Variants in SYNJ1 observed in about 807,000 individuals in gnomAD.
SYNJ1 encodes synaptojanin 1, also known as polyphosphatidylinositol phosphatase SYNJ1.
In SYNJ1, 78 loss-of-function variants were observed where a neutral mutation model predicts 168.2. The observed-to-expected ratio is 0.46, with a 90% CI of 0.39 to 0.56. The LOEUF is 0.56. Among genes scored for constraint, SYNJ1 ranks in the 20% least tolerant of loss-of-function variants. The pLI, the probability that SYNJ1 is intolerant of heterozygous loss-of-function variation, is 0.00. For synonymous variants in SYNJ1, 539 were observed against 548.6 expected (o/e 0.98, Z 0.24); for missense variants, 1,303 against 1,597.6 (o/e 0.82, Z 3.14).
intron 32 of SYNJ1, 49 bp from the exon 33 acceptor site, chr21:32,631,850 T>A: frequency 6.8e-7 from 1 of 1,473,260 alleles, no homozygotes. Context: ...TTACTCTTAA[T>A]ACCCCCTATT....
chr21:32,695,677 T>A (rs1341144043), intron 4 of SYNJ1, among the ~76,000 whole-genome samples: 2 of 149,272 alleles, frequency 1.3e-5, no homozygotes, highest in Non-Finnish European at 3.0e-5. Flanking sequence ...ATTTATTTAT[T>A]TTTGAGATGG....
At chr21:32,639,587 C>A in intron 30 of SYNJ1, 84 bp downstream of exon 30, 1 of 1,039,750 alleles carries the variant, frequency 9.6e-7, no homozygotes, top group Non-Finnish European at 1.5e-6. Context: ...TTTTTACAGG[C>A]GGGTCTCACT....
chr21:32,650,411 G>A, intron 22 of SYNJ1, 65 bp from the exon 23 acceptor site: 1 of 1,449,858 alleles, frequency 6.9e-7, no homozygotes, highest in South Asian at 1.4e-5. Flanking sequence ...GGAATAAAGA[G>A]GCTGACTTCG....
At chr21:32,639,210 T>C in intron 30 of SYNJ1, 85 bp from the exon 31 acceptor site, 1 of 1,234,640 alleles carries the variant, frequency 8.1e-7, no homozygotes, top group Non-Finnish European at 1.1e-6. Flanking sequence ...TAGGAGAACA[T>C]TCTAGTTATT....
chr21:32,645,081 A>ACC, intron 25 of SYNJ1, 75 bp from the exon 26 acceptor site: 1 of 1,438,136 alleles, frequency 7.0e-7, no homozygotes, highest in Non-Finnish European at 9.5e-7. Flanking sequence ...AAAGATTGCT[A>ACC]TAGTATCCAT....
At chr21:32,661,485 T>C (rs971993203) in intron 18 of SYNJ1, among the ~76,000 whole-genome samples, 7 of 152,190 alleles carry the variant, frequency 4.6e-5, no homozygotes, top group African/African-American at 1.7e-4. Context: ...AAGTAACCCG[T>C]GTGCTTCTCC....
chr21:32,673,657 G>T, intron 13 of SYNJ1, 126 bp from the exon 14 acceptor site: 1 of 753,174 alleles, frequency 1.3e-6, no homozygotes, highest in Non-Finnish European at 1.9e-6. Flanking sequence ...ACAAGCAAAA[G>T]ATACAGGCAC....
At chr21:32,691,494 T>C (rs566477302) in intron 6 of SYNJ1, among the ~76,000 whole-genome samples, 2 of 152,216 alleles carry the variant, frequency 1.3e-5, no homozygotes, top group Non-Finnish European at 2.9e-5. Flanking sequence ...AATGTGAGAA[T>C]GGACTAATAA....
At chr21:32,642,943 A>G (rs2039906635) in intron 27 of SYNJ1, among the ~76,000 whole-genome samples, 1 of 152,208 alleles carries the variant, frequency 6.6e-6, no homozygotes, top group South Asian at 2.1e-4. Context: ...TTTTAAACAA[A>G]TCTGGCTCAG....
intron 6 of SYNJ1, among the ~76,000 whole-genome samples, chr21:32,693,856 G>C (rs1312443406): frequency 6.6e-6 from 1 of 152,114 alleles, no homozygotes; most frequent in Admixed American, 6.5e-5. Flanking sequence ...CAATTAAGAA[G>C]TCTGGTTCCC....
At chr21:32,648,101 C>G (rs1601275633) in intron 23 of SYNJ1, among the ~76,000 whole-genome samples, 1 of 152,194 alleles carries the variant, frequency 6.6e-6, no homozygotes, top group East Asian at 1.9e-4. Context: ...ACAAATGGGC[C>G]CCACCCAGCC....
At chr21:32,682,829 C>T (rs140692184) in intron 10 of SYNJ1, among the ~76,000 whole-genome samples, 1 of 152,098 alleles carries the variant, frequency 6.6e-6, no homozygotes, top group African/African-American at 2.4e-5. Context: ...AATCCATGTA[C>T]ATTTATTCAG....
At chr21:32,661,718 A>G (rs1243632721) in intron 18 of SYNJ1, among the ~76,000 whole-genome samples, 1 of 152,186 alleles carries the variant, frequency 6.6e-6, no homozygotes, top group African/African-American at 2.4e-5. Context: ...AAATGGATAC[A>G]GGCCCTTCCT....
intron 2 of SYNJ1, among the ~76,000 whole-genome samples, 198 bp from the exon 3 acceptor site, chr21:32,702,245 T>C (rs2042432861): frequency 6.6e-6 from 1 of 152,264 alleles, no homozygotes; most frequent in Non-Finnish European, 1.5e-5. Flanking sequence ...ATCTATTAAT[T>C]AATCCATCCT....
In SYNJ1 at chr21:32,670,022, A is replaced by T. The variant is rs115927760; in HGVS notation, c.1811+266T>A. Among the ~76,000 whole-genome samples the T allele has an allele frequency of 5.6e-3, 848 of 152,320 alleles. 7 individuals carry two copies. The highest frequency in any genetic ancestry group is 0.02 in the African/African-American group (815 of 41,568). The stretch of plus-strand genomic sequence containing the variant: ...TAGGTTTATTATTGTTTTTAAGTGA[A>T]TTAAATGTTTTTAAATTTTCATTTT... On this transcript the variant is annotated intron_variant, in intron 15 of 32. Coordinates refer to ENST00000674351, the MANE Select transcript of SYNJ1 (RefSeq NM_203446.3).
chr21:32,634,857 A>G lies in SYNJ1; in HGVS notation c.*3+4T>C. Reference sequence around the variant, plus strand: ...ACATGTAAGATTGATAAATTGTCAGATACCTGTTACCCTGATGGTTGCTCC... The same window carrying G: ...ACATGTAAGATTGATAAATTGTCAGGTACCTGTTACCCTGATGGTTGCTCC... On this transcript the variant is annotated splice_donor_region_variant and intron_variant, in intron 32 of 32. Transcript: ENST00000674351. 6.2e-7 allele frequency: 1 copy of G among 1,613,836 alleles called. No individual in the cohort carries two copies. The highest frequency in any genetic ancestry group is 1.1e-5 in the South Asian group (1 of 91,078).
chr21:32,684,059 C>A lies in SYNJ1; in HGVS notation c.1179G>T (p.Val393=), dbSNP rs1179626154. The A allele has an allele frequency of 2.5e-6, 4 of 1,613,616 alleles. No individual in the cohort carries two copies. Among genetic ancestry groups the A allele is most frequent in the Non-Finnish European group, 3.4e-6 (4 of 1,179,686 alleles). Residue 393 remains valine, a synonymous_variant, in exon 10 of 33, where the codon GTG becomes GTT. Transcript: ENST00000674351. The part of the protein sequence containing the change: ...CLDCLDRTNS[V]QAFLGLEMLA... ...TTACCTCTAAGCCAAGAAATGCCTG[C>A]ACACTATTTGTTCTATCAAGACAAT... is the stretch of plus-strand genomic sequence containing the variant.
chr21:32,685,883 A>G lies in SYNJ1; in HGVS notation c.983T>C (p.Ile328Thr). 1 of 1,611,234 alleles carries G rather than the reference A, an allele frequency of 6.2e-7. No individual in the cohort carries two copies. The highest frequency in any genetic ancestry group is 1.1e-5 in the South Asian group (1 of 90,586). ...HLKASEHAAD[I>T]QMVNFDYHQM... ...ATGATAGTCAAAATTCACCATCTGG[A>G]TATCAGCAGCATGTTCAGAAGCTTT... The change falls in exon 9 of 33, where the codon ATC (isoleucine) becomes ACC (threonine). Residue 328 changes from isoleucine to threonine, a missense_variant. By Grantham distance (89) the Ile-to-Thr change is moderately conservative. Around this residue, in one of 2 missense-constraint regions of SYNJ1, gnomAD observed 920 missense variants for 1,208.8 expected, o/e 0.76. Coordinates refer to ENST00000674351, the MANE Select transcript of SYNJ1 (RefSeq NM_203446.3).
chr21:32,672,059 C>CAAAAAAAAAAAAAAA (rs1160074724), intron 14 of SYNJ1, among the ~76,000 whole-genome samples: 3 of 24,660 alleles, frequency 1.2e-4, no homozygotes, highest in African/African-American at 3.6e-4. Flanking sequence ...AACTCAATCT[C>CAAAAAAAAAAAAAAA]AAAAAAAAAA....
Sources: gnomAD v4.1 joint callset for allele counts (sites outside exome capture counted in the v4.1 genomes callset) on GRCh38, gnomAD v4.1.1 for gene constraint, gnomAD v4.1.1 regional missense constraint, MANE v1.5 for transcripts, NCBI Gene and HGNC (gene_info 2026-07-23, HGNC 2026-07-21) for gene names.